Variants in TUSC3 observed in about 807,000 individuals in gnomAD.
TUSC3 encodes the protein dolichyl-diphosphooligosaccharide--protein glycosyltransferase subunit TUSC3.
Under a neutral mutation model 44.8 loss-of-function variants are expected in TUSC3, and 45 were observed. That is an observed-to-expected ratio of 1.00 (90% CI 0.79 to 1.29). The LOEUF is 1.29. Ranked by LOEUF, TUSC3 falls within the 50% of genes most tolerant of loss-of-function variation. The pLI, the probability that TUSC3 is intolerant of heterozygous loss-of-function variation, is 0.00. For synonymous variants in TUSC3, 212 were observed against 152.9 expected, an observed-to-expected ratio of 1.39 and a Z score of -2.85; for missense variants, 519 against 437.9, an observed-to-expected ratio of 1.19 and a Z score of -1.65.
chr8:15,791,016 G>A, the TUSC3 span, among the ~76,000 whole-genome samples: 1 of 152,106 alleles, frequency 6.6e-6, no homozygotes, highest in Non-Finnish European at 1.5e-5. Context: ...AAGTATAGAA[G>A]AGATTGCAGT....
intron 2 of TUSC3, among the ~76,000 whole-genome samples, chr8:15,629,158 A>T (rs959790353): frequency 2.6e-5 from 4 of 152,342 alleles, no homozygotes; most frequent in Admixed American, 2.6e-4. Flanking sequence ...TAATATCTAG[A>T]TTATAAAATT....
At position 15,673,891 on chromosome 8, in the gene TUSC3, G is replaced by A. The variant is rs142819518; in HGVS notation, c.798+55G>A. 23,038 of 1,434,072 alleles carry A rather than the reference G, an allele frequency of 0.016. 216 individuals are homozygous for A. Among genetic ancestry groups the A allele is most frequent in the Non-Finnish European group, 0.019 (19,215 of 1,021,494 alleles). 88.8% of individuals were successfully genotyped at this position (1,434,072 alleles called of 1,614,324 possible). A position where few individuals can be genotyped will look rare whatever the true frequency, so the allele number is the denominator to read the frequency against. On this transcript the variant is annotated intron_variant, in intron 6 of 10. Transcript: ENST00000503731. The stretch of plus-strand genomic sequence containing the variant: ...TGAAGTTTAATCCAGCTTAATTTAG[G>A]AATAAGAAATTATGTTTAGTATTTA...
intron 1 of TUSC3, among the ~76,000 whole-genome samples, chr8:15,421,704 C>A (rs928147872): frequency 6.6e-6 from 1 of 152,022 alleles, no homozygotes; most frequent in Non-Finnish European, 1.5e-5. Flanking sequence ...GTTAAAGGTG[C>A]CTATTCATGC....
chr8:15,663,165 C>G (rs886521412), intron 5 of TUSC3, among the ~76,000 whole-genome samples: 29 of 151,390 alleles, frequency 1.9e-4, no homozygotes, highest in African/African-American at 6.8e-4. Flanking sequence ...ATATAAGGTA[C>G]TTAAAAATAA....
intron 8 of TUSC3, among the ~76,000 whole-genome samples, chr8:15,745,992 T>A (rs533703998): frequency 5.3e-5 from 8 of 152,250 alleles, no homozygotes; most frequent in African/African-American, 1.9e-4. Flanking sequence ...TAGCCAGTTA[T>A]CCCAGCAACA....
At chr8:15,606,949 G>GTA (rs888174280) in intron 1 of TUSC3, among the ~76,000 whole-genome samples, 1 of 151,762 alleles carries the variant, frequency 6.6e-6, no homozygotes, top group Non-Finnish European at 1.5e-5. Flanking sequence ...GTGTATATGT[G>GTA]TATATATATA....
At chr8:15,805,417 A>C in the TUSC3 span, among the ~76,000 whole-genome samples, 1 of 152,174 alleles carries the variant, frequency 6.6e-6, no homozygotes, top group Non-Finnish European at 1.5e-5. Context: ...TGTAGATCTT[A>C]GGGAAATGCA....
intron 1 of TUSC3, among the ~76,000 whole-genome samples, chr8:15,582,823 A>G (rs1194659959): frequency 1.3e-5 from 2 of 152,184 alleles, no homozygotes; most frequent in African/African-American, 2.4e-5. Context: ...CCAGAACTTT[A>G]CTAGAGCCAG....
chr8:15,605,613 A>G (rs1009106921), intron 1 of TUSC3, among the ~76,000 whole-genome samples: 1 of 151,980 alleles, frequency 6.6e-6, no homozygotes, highest in Non-Finnish European at 1.5e-5. Flanking sequence ...AAATACCAAA[A>G]AAAATGGAGA....
chr8:15,747,078 A>G (rs1811448347), intron 8 of TUSC3, among the ~76,000 whole-genome samples: 1 of 152,010 alleles, frequency 6.6e-6, no homozygotes, highest in African/African-American at 2.4e-5. Context: ...TTCATATTCA[A>G]AACTTAGAAG....
chr8:15,424,318 C>T (rs746178592), intron 1 of TUSC3, among the ~76,000 whole-genome samples: 3 of 151,992 alleles, frequency 2.0e-5, no homozygotes, highest in Non-Finnish European at 4.4e-5. Flanking sequence ...CACCGCCCCT[C>T]AGCAACTCTA....
the TUSC3 span, among the ~76,000 whole-genome samples, chr8:15,846,080 A>G: frequency 6.6e-6 from 1 of 152,110 alleles, no homozygotes; most frequent in Non-Finnish European, 1.5e-5. Context: ...TAGCACAGGA[A>G]AGACTGGCTT....
chr8:15,794,090 A>G, the TUSC3 span, among the ~76,000 whole-genome samples: 2 of 152,196 alleles, frequency 1.3e-5, no homozygotes, highest in Non-Finnish European at 2.9e-5. Context: ...AATGAACTGT[A>G]CATTTCAATT....
chr8:15,773,622 C>A, the TUSC3 span, among the ~76,000 whole-genome samples: 1 of 151,992 alleles, frequency 6.6e-6, no homozygotes, highest in East Asian at 1.9e-4. Flanking sequence ...TCCTGAATAG[C>A]CAAAGCATTT....
At chr8:15,463,207 A>G (rs1254587086) in intron 1 of TUSC3, among the ~76,000 whole-genome samples, 3 of 152,050 alleles carry the variant, frequency 2.0e-5, no homozygotes, top group Non-Finnish European at 2.9e-5. Context: ...CCATCAGGAG[A>G]CTGATTTACT....
At chr8:15,459,917 T>A (rs139563945) in intron 1 of TUSC3, among the ~76,000 whole-genome samples, 2,714 of 152,084 alleles carry the variant, frequency 0.018, 87 homozygotes, top group African/African-American at 0.062. Context: ...CATACCACAG[T>A]TTCTTTATCC....
intron 1 of TUSC3, among the ~76,000 whole-genome samples, chr8:15,423,601 T>G (rs1367475761): frequency 1.3e-5 from 2 of 152,226 alleles, no homozygotes; most frequent in African/African-American, 4.8e-5. Context: ...TTTTTCTAGT[T>G]GTCCTTAGCA....
At chr8:15,847,778 A>T in the TUSC3 span, among the ~76,000 whole-genome samples, 2 of 152,140 alleles carry the variant, frequency 1.3e-5, no homozygotes, top group Non-Finnish European at 2.9e-5. Context: ...ATAGAGTAGC[A>T]ATGGGGGCCA....
intron 2 of TUSC3, among the ~76,000 whole-genome samples, chr8:15,511,463 G>A (rs1238234404): frequency 1.3e-5 from 2 of 152,146 alleles, no homozygotes. Context: ...ATACAAAAAT[G>A]TATTGTATTT....
Sources: allele counts gnomAD v4.1 joint callset (sites outside exome capture counted in the v4.1 genomes callset), GRCh38; gene constraint gnomAD v4.1.1; transcripts MANE v1.5; gene names NCBI Gene and HGNC (gene_info 2026-07-23, HGNC 2026-07-21).